Variants in TRMT11 observed in about 807,000 individuals in gnomAD.
TRMT11 encodes the protein tRNA methyltransferase 11, also known as tRNA (guanine(10)-N(2))-methyltransferase TRMT11.
TRMT11 carries 53 observed loss-of-function variants against 62.8 expected under a neutral mutation model. The ratio of observed to expected loss-of-function variants is 0.84; its 90% CI spans 0.68 to 1.06. The LOEUF is 1.06. Among genes scored for constraint, TRMT11 ranks in the 50% least tolerant of loss-of-function variants. TRMT11 has a pLI of 0.00. For missense variants in TRMT11, 556 were observed against 553.4 expected (o/e 1.00, Z -0.05); for synonymous variants, 188 against 190.3 (o/e 0.99, Z 0.10).
chr6:126,017,938 G>C (rs1292268608), intron 11 of TRMT11, among the ~76,000 whole-genome samples: 5 of 152,174 alleles, frequency 3.3e-5, no homozygotes, highest in Non-Finnish European at 7.3e-5. Flanking sequence ...GAGTGTAGCT[G>C]TTTGCCCAGG....
chr6:126,224,229 AC>A, the TRMT11 span, among the ~76,000 whole-genome samples: 1 of 152,222 alleles, frequency 6.6e-6, no homozygotes, highest in South Asian at 2.1e-4. Flanking sequence ...TAGCTTCTTG[AC>A]TTGCCAGGGT....
chr6:126,099,428 G>C (rs1051411410), intron 17 of TRMT11, among the ~76,000 whole-genome samples: 1 of 152,178 alleles, frequency 6.6e-6, no homozygotes, highest in Non-Finnish European at 1.5e-5. Context: ...ATGGGCTTTA[G>C]GTAATTGACT....
intron 17 of TRMT11, among the ~76,000 whole-genome samples, chr6:126,065,954 G>A (rs1196320052): frequency 3.3e-5 from 5 of 152,162 alleles, no homozygotes; most frequent in Admixed American, 6.5e-5. Context: ...ATAGAAAACC[G>A]GAGCTCAAAT....
intron 1 of TRMT11, among the ~76,000 whole-genome samples, chr6:126,188,011 T>C (rs1048244639): frequency 6.6e-6 from 1 of 151,718 alleles, no homozygotes; most frequent in Non-Finnish European, 1.5e-5. Flanking sequence ...CCATAAAATG[T>C]CTACAGAAAC....
the TRMT11 span, among the ~76,000 whole-genome samples, chr6:126,222,527 G>A: frequency 2.6e-5 from 4 of 151,902 alleles, no homozygotes; most frequent in Admixed American, 2.6e-4. Flanking sequence ...TTTCATTGTA[G>A]AGATGTTTCA....
intron 17 of TRMT11, among the ~76,000 whole-genome samples, chr6:126,110,851 A>G (rs74588669): frequency 2.2e-3 from 338 of 152,278 alleles, no homozygotes; most frequent in Non-Finnish European, 3.8e-3. Flanking sequence ...TCCCCTGGAC[A>G]GACCCTGGAA....
chr6:126,124,048 T>C (rs1777680762), intron 21 of TRMT11, among the ~76,000 whole-genome samples: 1 of 152,106 alleles, frequency 6.6e-6, no homozygotes, highest in African/African-American at 2.4e-5. Flanking sequence ...TTCTAGGTTT[T>C]TTGGTTTTGT....
chr6:126,144,501 G>A (rs1487446497), intron 21 of TRMT11, among the ~76,000 whole-genome samples: 1 of 152,190 alleles, frequency 6.6e-6, no homozygotes, highest in East Asian at 1.9e-4. Context: ...GGTGCAGGAA[G>A]CAGTTTGTAT....
rs143080746 is a variant in TRMT11 at position 125,997,272 on chromosome 6, T to A, written c.213-781T>A. The stretch of plus-strand genomic sequence containing the variant: ...AGAAATCATTTGCAAAGGAAAAAAA[T>A]TACAATTTAACTGTATCAGAATGAA... On this transcript the variant is annotated intron_variant, in intron 3 of 12. Transcript: ENST00000334379. Among the ~76,000 whole-genome samples, 405 of 152,302 alleles carry A rather than the reference T, an allele frequency of 2.7e-3. 3 individuals carry two copies. The highest frequency in any genetic ancestry group is 9.4e-3 in the African/African-American group (389 of 41,586).
chr6:126,112,065 T>G (rs557881892), intron 17 of TRMT11, among the ~76,000 whole-genome samples: 58 of 152,232 alleles, frequency 3.8e-4, no homozygotes, highest in African/African-American at 1.4e-3. Context: ...CACAGACCAT[T>G]CAGCTCAAAA....
chr6:126,036,289 A>T (rs905004938), intron 12 of TRMT11, among the ~76,000 whole-genome samples: 2 of 152,122 alleles, frequency 1.3e-5, no homozygotes, highest in Non-Finnish European at 1.5e-5. Context: ...AGAATTATGG[A>T]CAATTTGAAC....
chr6:126,113,950 C>T (rs971611350), intron 18 of TRMT11, among the ~76,000 whole-genome samples: 7 of 152,032 alleles, frequency 4.6e-5, no homozygotes, highest in Admixed American at 3.3e-4. Flanking sequence ...GTCCATGGAT[C>T]GCACTTTAAG....
At chr6:126,202,615 T>C (rs990581925), downstream of TRMT11, among the ~76,000 whole-genome samples, 1 of 152,208 alleles carries the variant, frequency 6.6e-6, no homozygotes, top group Non-Finnish European at 1.5e-5. Context: ...TGATTTCTTT[T>C]AGTTTTGTGT....
chr6:126,052,166 G>T (rs1583845257), intron 16 of TRMT11, among the ~76,000 whole-genome samples: 1 of 152,154 alleles, frequency 6.6e-6, no homozygotes, highest in South Asian at 2.1e-4. Flanking sequence ...ATGTGCTTCT[G>T]CCCAAACTGG....
chr6:126,151,902 TTTCTCTTTCTTTCTTTCTTTCTTTCTTTC>T (rs1778057284), intron 21 of TRMT11, among the ~76,000 whole-genome samples: 1 of 25,766 alleles, frequency 3.9e-5, no homozygotes, highest in African/African-American at 3.3e-4. Flanking sequence ...TTTTCTTTCT[TTTCTCTTTCTTTCTTTCTTTCTTTCTTTC>T]TTTCTTTCTT....
At chr6:126,152,440 A>T (rs1046478382) in intron 21 of TRMT11, among the ~76,000 whole-genome samples, 3 of 152,180 alleles carry the variant, frequency 2.0e-5, no homozygotes, top group Admixed American at 1.3e-4. Flanking sequence ...AAGATAAGAC[A>T]GTGGTTTGGG....
intron 17 of TRMT11, among the ~76,000 whole-genome samples, chr6:126,112,489 C>T (rs1050433963): frequency 1.1e-4 from 17 of 152,216 alleles, no homozygotes; most frequent in Non-Finnish European, 1.9e-4. Context: ...TATGAAGCTT[C>T]CTTCAACTGA....
At chr6:126,015,330 AT>A (rs34854320) in intron 11 of TRMT11, among the ~76,000 whole-genome samples, 107,376 of 151,924 alleles carry the variant, frequency 0.71, 38,477 homozygotes, top group East Asian at 0.95. Context: ...GGTTCACGCC[AT>A]TTCTCCTGCC....
chr6:126,134,416 T>C (rs1777826115), intron 21 of TRMT11, among the ~76,000 whole-genome samples: 1 of 151,878 alleles, frequency 6.6e-6, no homozygotes, highest in Non-Finnish European at 1.5e-5. Context: ...GAGGATTCTA[T>C]AATGATAAAA....
Sources: gnomAD v4.1 joint callset for allele counts (sites outside exome capture counted in the v4.1 genomes callset) on GRCh38, gnomAD v4.1.1 for gene constraint, MANE v1.5 for transcripts, NCBI Gene and HGNC (gene_info 2026-07-23, HGNC 2026-07-21) for gene names.